The following TRMT11 variants were observed in gnomAD, a reference collection of about 807,000 sequenced individuals.
TRMT11 encodes tRNA methyltransferase 11.
A neutral mutation model predicts 62.8 loss-of-function variants in TRMT11; 53 were observed. The observed-to-expected ratio is 0.84, with a 90% CI of 0.68 to 1.06. The LOEUF is 1.06. Among genes scored for constraint, TRMT11 ranks in the 50% least tolerant of loss-of-function variants. The pLI is 0.00. For synonymous variants in TRMT11, 188 were observed against 190.3 expected (o/e 0.99, Z 0.10); for missense variants, 556 against 553.4 (o/e 1.00, Z -0.05).
In TRMT11 at chr6:126,198,591, G is replaced by A. The variant is rs145587708; in HGVS notation, n.144-208G>A. On this transcript the variant is annotated intron_variant and non_coding_transcript_variant, in intron 1 of 3. Transcript: ENST00000444229. The stretch of plus-strand genomic sequence containing the variant: ...CTAAGGCTGTAAATCCCACAGTGAA[G>A]CATGCATAAACACCAACTAGACGGG... Among the ~76,000 whole-genome samples, 88 of 152,238 alleles carry A rather than the reference G, an allele frequency of 5.8e-4. 1 individual carries two copies. Among genetic ancestry groups the A allele is most frequent in the African/African-American group, 1.9e-3 (80 of 41,564 alleles).
chr6:126,148,426 C>T (rs1777999918), intron 21 of TRMT11, among the ~76,000 whole-genome samples: 1 of 152,140 alleles, frequency 6.6e-6, no homozygotes, highest in African/African-American at 2.4e-5. Flanking sequence ...ATGAAAGCCC[C>T]TATAATGAAG....
chr6:126,112,803 T>C (rs1032808006), intron 17 of TRMT11, among the ~76,000 whole-genome samples: 10 of 152,074 alleles, frequency 6.6e-5, no homozygotes, highest in Admixed American at 6.6e-4. Flanking sequence ...TTTCAGTCAT[T>C]GACTGTTACT....
At chr6:126,241,761 C>G in the TRMT11 span, among the ~76,000 whole-genome samples, 1 of 152,174 alleles carries the variant, frequency 6.6e-6, no homozygotes, top group Non-Finnish European at 1.5e-5. Flanking sequence ...ATACTAAAAA[C>G]TCTCAATAAA....
intron 21 of TRMT11, among the ~76,000 whole-genome samples, chr6:126,136,977 A>T (rs1777858119): frequency 6.6e-6 from 1 of 151,736 alleles, no homozygotes; most frequent in Admixed American, 6.6e-5. Context: ...TTCACCATGT[A>T]CAAAAATTAA....
chr6:126,236,908 C>T, the TRMT11 span, among the ~76,000 whole-genome samples: 1 of 152,142 alleles, frequency 6.6e-6, no homozygotes, highest in African/African-American at 2.4e-5. Context: ...GTCCTCAGCT[C>T]CCTGGGCATA....
chr6:126,044,416 C>A (rs193102853), intron 16 of TRMT11, among the ~76,000 whole-genome samples: 1 of 152,258 alleles, frequency 6.6e-6, no homozygotes, highest in East Asian at 1.9e-4. Context: ...CGATCTATAT[C>A]TCTGTTTTGG....
intron 12 of TRMT11, among the ~76,000 whole-genome samples, chr6:126,022,509 C>G (rs1795975337): frequency 6.6e-6 from 1 of 152,130 alleles, no homozygotes. Context: ...CATTTGCTGT[C>G]TCTAATTTAG....
chr6:126,005,860 G>A (rs1416834795), intron 7 of TRMT11, among the ~76,000 whole-genome samples: 1 of 151,966 alleles, frequency 6.6e-6, no homozygotes, highest in Non-Finnish European at 1.5e-5. Context: ...TGTCAAGTGA[G>A]TCAGCTCCTC....
At chr6:126,255,530 T>G in the TRMT11 span, among the ~76,000 whole-genome samples, 2 of 152,218 alleles carry the variant, frequency 1.3e-5, no homozygotes, top group African/African-American at 2.4e-5. Flanking sequence ...TAATAAAAAT[T>G]TTACCTCTTA....
the TRMT11 span, among the ~76,000 whole-genome samples, chr6:126,268,439 T>C: frequency 6.6e-6 from 1 of 152,154 alleles, no homozygotes. Context: ...GCAAAGAAGA[T>C]GCTGGGATGA....
chr6:126,029,293 T>C (rs1030784378), intron 12 of TRMT11, among the ~76,000 whole-genome samples: 1 of 152,204 alleles, frequency 6.6e-6, no homozygotes, highest in Admixed American at 6.5e-5. Context: ...TTAGTAATTA[T>C]AAAGTGAACA....
chr6:126,029,320 C>G (rs1168324748), intron 12 of TRMT11, among the ~76,000 whole-genome samples: 2 of 152,104 alleles, frequency 1.3e-5, no homozygotes, highest in Non-Finnish European at 2.9e-5. Context: ...TACCTGCCAC[C>G]AAGGTCAAGG....
At chr6:126,087,547 G>T (rs1235333545) in intron 17 of TRMT11, among the ~76,000 whole-genome samples, 3 of 152,146 alleles carry the variant, frequency 2.0e-5, no homozygotes, top group Admixed American at 1.3e-4. Flanking sequence ...TTGCTTCTTT[G>T]TTTTTGTTTT....
chr6:125,988,939 G>T (rs571045538), intron 1 of TRMT11, among the ~76,000 whole-genome samples: 19 of 152,100 alleles, frequency 1.2e-4, no homozygotes, highest in Non-Finnish European at 2.2e-4. Context: ...TGTTCTGTTG[G>T]TGAAGAGGAT....
the TRMT11 span, among the ~76,000 whole-genome samples, chr6:126,249,252 C>T: frequency 8.2e-4 from 125 of 152,094 alleles, no homozygotes; most frequent in African/African-American, 2.6e-3. Context: ...TAAGAAGCTA[C>T]GTGACCTTAA....
chr6:126,006,332 A>G (rs935755194), intron 7 of TRMT11, among the ~76,000 whole-genome samples: 4 of 151,806 alleles, frequency 2.6e-5, no homozygotes, highest in African/African-American at 2.4e-5. Context: ...CCAGTCTCTC[A>G]TTTCTCCACG....
intron 21 of TRMT11, among the ~76,000 whole-genome samples, chr6:126,143,887 C>T (rs1777946171): frequency 6.6e-6 from 1 of 152,128 alleles, no homozygotes; most frequent in Non-Finnish European, 1.5e-5. Context: ...CCGCTTGACT[C>T]ACTGTGATCT....
intron 1 of TRMT11, among the ~76,000 whole-genome samples, chr6:126,190,914 A>C (rs2128246586): frequency 6.6e-6 from 1 of 152,312 alleles, no homozygotes; most frequent in Middle Eastern, 3.4e-3. Flanking sequence ...AGGAGTGCAG[A>C]TATCTCTTCA....
chr6:126,000,503 A>C (rs536506223), intron 7 of TRMT11, among the ~76,000 whole-genome samples: 3 of 152,260 alleles, frequency 2.0e-5, no homozygotes, highest in African/African-American at 7.2e-5. Context: ...GCTTGAGGAA[A>C]TTATGGCAGA....
Sources: allele counts gnomAD v4.1 joint callset (sites outside exome capture counted in the v4.1 genomes callset), GRCh38; gene constraint gnomAD v4.1.1; transcripts MANE v1.5; gene names NCBI Gene and HGNC (gene_info 2026-07-23, HGNC 2026-07-21).